The following LHFPL3 variants were observed in gnomAD, a reference collection of about 807,000 sequenced individuals.
LHFPL3 encodes LHFPL tetraspan subfamily member 3 protein.
Under a neutral mutation model 19.3 loss-of-function variants are expected in LHFPL3, and 5 were observed. The observed-to-expected ratio is 0.26, with a 90% CI of 0.14 to 0.54. The LOEUF (loss-of-function observed/expected upper bound fraction) is 0.54. Ranked by LOEUF, LHFPL3 falls within the 20% of genes least tolerant of loss-of-function variation. The pLI is 0.94. For missense variants in LHFPL3, 249 were observed against 307.4 expected (o/e 0.81, Z 1.42); for synonymous variants, 133 against 126.2 (o/e 1.05, Z -0.36).
At chr7:104,419,986 C>A (rs1034045042) in intron 1 of LHFPL3, among the ~76,000 whole-genome samples, 3 of 152,124 alleles carry the variant, frequency 2.0e-5, no homozygotes, top group Non-Finnish European at 2.9e-5. Context: ...ACAACAACAA[C>A]AACAAAAAAC....
chr7:104,690,029 A>G (rs543492425), intron 1 of LHFPL3, among the ~76,000 whole-genome samples: 1 of 152,368 alleles, frequency 6.6e-6, no homozygotes, highest in East Asian at 1.9e-4. Flanking sequence ...GTAAATCAAA[A>G]ACAATATTGC....
intron 2 of LHFPL3, chr7:104,895,478 C>T (rs1490422677): frequency 2.0e-5 from 3 of 152,288 alleles, no homozygotes; most frequent in Admixed American, 6.5e-5. Context: ...ACATTGCATT[C>T]AGGAGGCAGT....
chr7:104,352,494 C>G (rs1420872031), intron 1 of LHFPL3, among the ~76,000 whole-genome samples: 1 of 152,134 alleles, frequency 6.6e-6, no homozygotes, highest in East Asian at 1.9e-4. Flanking sequence ...TCCAATCTAC[C>G]TTCCTGCAGC....
intron 1 of LHFPL3, among the ~76,000 whole-genome samples, chr7:104,493,759 T>C (rs1009555326): frequency 6.6e-6 from 1 of 152,132 alleles, no homozygotes; most frequent in Admixed American, 6.5e-5. Flanking sequence ...CAAGCCCTCC[T>C]TACTTCTCTC....
chr7:104,740,689 T>G (rs1022623587), intron 2 of LHFPL3, among the ~76,000 whole-genome samples: 1 of 152,180 alleles, frequency 6.6e-6, no homozygotes, highest in Non-Finnish European at 1.5e-5. Flanking sequence ...CATCACATCT[T>G]GTGAGACTTA....
At chr7:104,539,419 T>G (rs190046746) in intron 1 of LHFPL3, among the ~76,000 whole-genome samples, 1 of 152,212 alleles carries the variant, frequency 6.6e-6, no homozygotes, top group African/African-American at 2.4e-5. Context: ...AGAAGTAAAT[T>G]TAGTGGGGAG....
In LHFPL3 at chr7:104,736,894, T is replaced by G. The variant is rs775329081; in HGVS notation, c.665T>G (p.Leu222Arg). 10 of 1,604,582 alleles carry G rather than the reference T, an allele frequency of 6.2e-6. No individual in the cohort carries two copies. Among genetic ancestry groups the G allele is most frequent in the Non-Finnish European group, 8.5e-6 (10 of 1,175,178 alleles). Residue 222 changes from leucine to arginine, a missense_variant, in exon 2 of 3, where the codon CTG (leucine) becomes CGG (arginine). Physicochemically the swap from Leu to Arg is moderately radical, Grantham distance 102. Transcript: ENST00000424859. ...NRQDSLMAEE[L>R]KAENKVLLSQ... The stretch of plus-strand genomic sequence containing the variant: ...CAAGACAGCTTGATGGCAGAGGAAC[T>G]GAAGGCAGAAAACAAAGGTAAGATT...
intron 1 of LHFPL3, among the ~76,000 whole-genome samples, chr7:104,424,826 C>T (rs896778315): frequency 4.6e-5 from 7 of 151,532 alleles, no homozygotes; most frequent in Non-Finnish European, 1.0e-4. Context: ...CCTGTCTCTA[C>T]AAAAAATTAG....
chr7:104,700,488 G>T (rs1422713816), intron 1 of LHFPL3, among the ~76,000 whole-genome samples: 1 of 152,190 alleles, frequency 6.6e-6, no homozygotes, highest in African/African-American at 2.4e-5. Flanking sequence ...AGGAGTGCAT[G>T]TGACTTCCTA....
At chr7:104,424,529 C>A (rs535112304) in intron 1 of LHFPL3, among the ~76,000 whole-genome samples, 4 of 152,248 alleles carry the variant, frequency 2.6e-5, no homozygotes, top group South Asian at 4.2e-4. Context: ...TTCATTATAG[C>A]CCCCCAAACA....
intron 1 of LHFPL3, chr7:104,669,000 A>G: frequency 6.2e-7 from 1 of 1,612,202 alleles, no homozygotes; most frequent in Admixed American, 1.7e-5. Flanking sequence ...GGTCGAGGAC[A>G]GGAAGTGAGT....
intron 1 of LHFPL3, among the ~76,000 whole-genome samples, chr7:104,490,143 C>T (rs1052058096): frequency 6.6e-6 from 1 of 152,164 alleles, no homozygotes; most frequent in East Asian, 1.9e-4. Flanking sequence ...ATGGTTTTAC[C>T]GTCAGTTCCA....
intron 1 of LHFPL3, among the ~76,000 whole-genome samples, chr7:104,463,882 G>A (rs776375921): frequency 6.6e-6 from 1 of 152,174 alleles, no homozygotes; most frequent in Non-Finnish European, 1.5e-5. Context: ...CAAATCTCAT[G>A]TCCTCACATT....
At chr7:104,523,768 A>G (rs1794128388) in intron 1 of LHFPL3, among the ~76,000 whole-genome samples, 1 of 152,210 alleles carries the variant, frequency 6.6e-6, no homozygotes, top group African/African-American at 2.4e-5. Flanking sequence ...GTCCAAGGAA[A>G]TCCAGGTTCT....
chr7:104,792,115 C>T (rs2116449753), intron 2 of LHFPL3, among the ~76,000 whole-genome samples: 1 of 152,318 alleles, frequency 6.6e-6, no homozygotes, highest in African/African-American at 2.4e-5. Flanking sequence ...CTAGCAGTGT[C>T]ATCCCTGCTT....
chr7:104,420,315 G>T (rs1207532164), intron 1 of LHFPL3, among the ~76,000 whole-genome samples: 1 of 152,226 alleles, frequency 6.6e-6, no homozygotes, highest in Non-Finnish European at 1.5e-5. Context: ...CCTTGTTAGT[G>T]AAATGGGAAA....
chr7:104,714,970 C>T (rs1308135577), intron 1 of LHFPL3, among the ~76,000 whole-genome samples: 3 of 151,780 alleles, frequency 2.0e-5, no homozygotes, highest in Non-Finnish European at 4.4e-5. Context: ...TACTTATATA[C>T]CTGTGTATAT....
intron 1 of LHFPL3, among the ~76,000 whole-genome samples, chr7:104,443,128 G>A (rs1004047112): frequency 6.6e-6 from 1 of 152,128 alleles, no homozygotes; most frequent in African/African-American, 2.4e-5. Flanking sequence ...AGGAGACAAA[G>A]ATCAATGTGG....
intron 1 of LHFPL3, among the ~76,000 whole-genome samples, chr7:104,342,899 A>T (rs1049660943): frequency 1.3e-5 from 2 of 152,204 alleles, no homozygotes; most frequent in African/African-American, 4.8e-5. Flanking sequence ...TTGGCCACAC[A>T]TAGTGTGCAG....
Sources: allele counts gnomAD v4.1 joint callset (sites outside exome capture counted in the v4.1 genomes callset), GRCh38; gene constraint gnomAD v4.1.1; transcripts MANE v1.5; gene names NCBI Gene and HGNC (gene_info 2026-07-23, HGNC 2026-07-21).